Variants in RNF4 observed in about 807,000 individuals in gnomAD.
The protein encoded by RNF4 is E3 ubiquitin-protein ligase RNF4.
Under a neutral mutation model 24.3 loss-of-function variants are expected in RNF4, and 7 were observed. That is an observed-to-expected ratio of 0.29 (90% confidence interval 0.16 to 0.54). RNF4 has a LOEUF of 0.54. Among genes scored for constraint, RNF4 ranks in the 20% least tolerant of loss-of-function variants. The pLI, the probability that RNF4 is intolerant of heterozygous loss-of-function variation, is 0.95. For synonymous variants in RNF4, 83 were observed against 84.3 expected (o/e 0.98, Z 0.09); for missense variants, 209 against 248.5 (o/e 0.84, Z 1.07).
chr4:2,506,522 T>TC (rs1425873219), intron 4 of RNF4, among the ~76,000 whole-genome samples: 1 of 149,602 alleles, frequency 6.7e-6, no homozygotes, highest in African/African-American at 2.6e-5. Flanking sequence ...TTTTTTTTTT[T>TC]TCCAAGTTGT....
intron 1 of RNF4, among the ~76,000 whole-genome samples, chr4:2,487,819 G>C (rs1040079315): frequency 6.6e-6 from 1 of 152,194 alleles, no homozygotes. Context: ...CAGTGAAGGG[G>C]ATTTCCCCTC....
rs147599139 is a variant in RNF4, at chr4:2,512,367, G to T, written c.215-71G>T. 6.5e-7 allele frequency: 1 copy of T among 1,529,386 alleles called. No individual in the cohort carries two copies. The highest frequency in any genetic ancestry group is 1.4e-5 in the African/African-American group (1 of 72,794). The allele number at this position is 1,529,386 out of a possible 1,614,324, so 94.7% of individuals were successfully genotyped here. A position where few individuals can be genotyped will look rare whatever the true frequency, so the allele number is the denominator to read the frequency against. On this transcript the variant is annotated intron_variant, in intron 5 of 7. Coordinates refer to ENST00000314289, the MANE Select transcript of RNF4 (RefSeq NM_002938.5). The surrounding 1 kb of genome is among the most constrained non-coding windows in gnomAD (Gnocchi z 4.1). ...GGGAAGGAAGAGGGTCTTAAGAGGCGTCAGGATGGGAGTGGTGAGGATGGT... is the reference window on the plus strand; with the variant it reads ...GGGAAGGAAGAGGGTCTTAAGAGGCTTCAGGATGGGAGTGGTGAGGATGGT...
At chr4:2,510,066 C>T (rs890406657) in intron 4 of RNF4, among the ~76,000 whole-genome samples, 9 of 152,188 alleles carry the variant, frequency 5.9e-5, no homozygotes, top group African/African-American at 2.2e-4. Flanking sequence ...TCCCTTTTCA[C>T]CGTCTGCAGT....
In RNF4 at chr4:2,514,118, A is replaced by G. The variant is rs1320318322; in HGVS notation, c.*299A>G. ...TCCAGTCTGGTTGCAGAATCTGCAC[A>G]TTTGCCAAGAAATTTTCCCTGTTTG... On this transcript the variant is annotated 3_prime_UTR_variant, in exon 8 of 8. Coordinates refer to ENST00000314289, the MANE Select transcript of RNF4 (RefSeq NM_002938.5). 2.1e-5 allele frequency: 7 copies of G among 338,778 alleles called. No individual in the cohort carries two copies. The East Asian group carries it at 3.6e-4, about 18-fold the overall frequency. 21.0% of individuals were successfully genotyped at this position (338,778 alleles called of 1,614,324 possible).
At chr4:2,513,550 G>A (rs2354513) in intron 7 of RNF4, 120 bp from the exon 8 acceptor site, 1 of 1,196,656 alleles carries the variant, frequency 8.4e-7, no homozygotes, top group African/African-American at 1.5e-5. Flanking sequence ...CCCTGTTGTA[G>A]CCTGGCCCTT....
chr4:2,469,943 T>G (rs1259944313), intron 1 of RNF4: 2 of 152,254 alleles, frequency 1.3e-5, no homozygotes, highest in African/African-American at 2.4e-5. Context: ...TGTATGAAGA[T>G]TCTCACGACC....
At chr4:2,503,167 A>G (rs1337452349) in intron 4 of RNF4, among the ~76,000 whole-genome samples, 2 of 152,160 alleles carry the variant, frequency 1.3e-5, no homozygotes, top group South Asian at 2.1e-4. Context: ...GAGCCACCAC[A>G]CTGGCCAGCT....
At chr4:2,503,418 G>C (rs187537112) in intron 4 of RNF4, among the ~76,000 whole-genome samples, 28 of 152,262 alleles carry the variant, frequency 1.8e-4, no homozygotes, top group Non-Finnish European at 1.5e-5. Flanking sequence ...AGAGCTGATA[G>C]GTAAAAGGGA....
intron 3 of RNF4, 104 bp from the exon 4 acceptor site, chr4:2,500,555 G>A (rs1169114997): frequency 1.8e-6 from 2 of 1,094,126 alleles, no homozygotes. Flanking sequence ...GATTGTTTTA[G>A]TTTGGGGTAA....
chr4:2,499,190 C>CTA, intron 3 of RNF4: 11 of 378,532 alleles, frequency 2.9e-5, no homozygotes, highest in South Asian at 2.1e-4. Flanking sequence ...GAGCGAGACT[C>CTA]TGTCTCAAAA....
At chr4:2,478,383 A>C (rs1342906286) in intron 1 of RNF4, among the ~76,000 whole-genome samples, 2 of 152,216 alleles carry the variant, frequency 1.3e-5, no homozygotes. Flanking sequence ...GTTAATCCCC[A>C]AGACAGTGGG....
chr4:2,498,911 G>A (rs1011423994), intron 3 of RNF4, among the ~76,000 whole-genome samples: 1 of 150,944 alleles, frequency 6.6e-6, no homozygotes, highest in Non-Finnish European at 1.5e-5. Flanking sequence ...AAGAAGTTAC[G>A]TTGGGTTGGG....
rs1736311227 is a variant in RNF4 at position 2,513,007 on chromosome 4, G to C, written c.375-76G>C. ...AGGGACGGGACTCTTGTAGGGGATA[G>C]GGGCCACTCACGTGACAGGGTATAA... On this transcript the variant is annotated intron_variant, in intron 6 of 7. Transcript: ENST00000314289. 3 of 1,388,414 alleles carry C rather than the reference G, an allele frequency of 2.2e-6. No homozygotes were observed. In the East Asian group the frequency reaches 6.8e-5, roughly 32 times the overall value. 86.0% of individuals were successfully genotyped at this position (1,388,414 alleles called of 1,614,324 possible). A position where few individuals can be genotyped will look rare whatever the true frequency, so the allele number is the denominator to read the frequency against.
chr4:2,507,715 G>T (rs954076162), intron 4 of RNF4, among the ~76,000 whole-genome samples: 3 of 152,184 alleles, frequency 2.0e-5, no homozygotes, highest in Non-Finnish European at 4.4e-5. Flanking sequence ...GAAGCACAAA[G>T]GGGCTTCGAG....
chr4:2,471,755 A>G (rs531156916), intron 1 of RNF4, among the ~76,000 whole-genome samples: 1 of 152,244 alleles, frequency 6.6e-6, no homozygotes, highest in East Asian at 1.9e-4. Flanking sequence ...CATCCATGAC[A>G]TTCCCTTAAG....
chr4:2,474,753 G>A (rs1412894180), intron 1 of RNF4, among the ~76,000 whole-genome samples: 8 of 152,172 alleles, frequency 5.3e-5, no homozygotes, highest in East Asian at 3.8e-4. Context: ...GGCCCAGTGC[G>A]GTGGCTCACG....
chr4:2,486,994 T>G (rs534661755), intron 1 of RNF4, among the ~76,000 whole-genome samples: 2 of 152,352 alleles, frequency 1.3e-5, no homozygotes, highest in South Asian at 4.1e-4. Flanking sequence ...GTGGTCTGAA[T>G]GATCTTGTGA....
rs1179970256 is a variant in RNF4 at position 2,515,818 on chromosome 4, A to G, written c.*1999A>G. The G allele has an allele frequency of 1.3e-5, 2 of 152,774 alleles. No individual in the cohort carries two copies. Among genetic ancestry groups the G allele is most frequent in the South Asian group, 2.1e-4 (1 of 4,826 alleles). 9.5% of individuals were successfully genotyped at this position (152,774 alleles called of 1,614,324 possible). ...TCAGTCTGCTTTGGACTCCTCTGCT[A>G]GTGTTACAGATGGAAATAAAACCAT... On this transcript the variant is annotated 3_prime_UTR_variant, in exon 8 of 8. Transcript: ENST00000314289.
intron 4 of RNF4, among the ~76,000 whole-genome samples, chr4:2,510,339 C>G (rs1490451898): frequency 6.6e-6 from 1 of 152,190 alleles, no homozygotes; most frequent in Admixed American, 6.5e-5. Context: ...CATTGACCCA[C>G]CTAGGGAGCT....
Sources: gnomAD v4.1 joint callset for allele counts (sites outside exome capture counted in the v4.1 genomes callset) on GRCh38, gnomAD v4.1.1 for gene constraint, Gnocchi (gnomAD v3.1) non-coding constraint, MANE v1.5 for transcripts, NCBI Gene and HGNC (gene_info 2026-07-23, HGNC 2026-07-21) for gene names.